NBN: variants seen among roughly 807,000 people sequenced by gnomAD.
The protein encoded by NBN is Nijmegen breakage syndrome 1 (nibrin).
A neutral mutation model predicts 90.8 loss-of-function variants in NBN; 88 were observed. The observed-to-expected ratio is 0.97, with a 90% CI of 0.82 to 1.16. NBN has a LOEUF of 1.16. Ranked by LOEUF, NBN falls within the 50% of genes most tolerant of loss-of-function variation. The probability of loss-of-function intolerance (pLI) is 0.00; values close to 1 mark genes in which losing one functional copy is unlikely to be tolerated. For missense variants in NBN, 894 were observed against 869.6 expected, an observed-to-expected ratio of 1.03 and a Z score of -0.35; for synonymous variants, 328 against 295.1, an observed-to-expected ratio of 1.11 and a Z score of -1.14.
chr8:89,943,202 A>G (rs1425802465), intron 14 of NBN, 51 bp downstream of exon 14: 1 of 1,604,494 alleles, frequency 6.2e-7, no homozygotes, highest in Admixed American at 1.7e-5. Context: ...GGCCACCATA[A>G]TGGACCAAAG....
chr8:89,980,703 T>A (rs766221961), intron 4 of NBN, 31 bp downstream of exon 4: 1 of 1,576,630 alleles, frequency 6.3e-7, no homozygotes, highest in Non-Finnish European at 8.7e-7. Context: ...AATAACTTAT[T>A]TTTAACATAA....
chr8:89,981,044 C>T, intron 3 of NBN, 151 bp from the exon 4 acceptor site: 1 of 727,864 alleles, frequency 1.4e-6, no homozygotes, highest in Non-Finnish European at 2.3e-6. Context: ...TTATCAGTTC[C>T]TCATCATTAA....
At chr8:89,958,963 A>G in intron 8 of NBN, 109 bp from the exon 9 acceptor site, 1 of 1,388,302 alleles carries the variant, frequency 7.2e-7, no homozygotes, top group Non-Finnish European at 1.0e-6. Flanking sequence ...TTAACTAGGG[A>G]ATACTGCACA....
At chr8:89,977,848 C>A (rs1429412962) in intron 5 of NBN, among the ~76,000 whole-genome samples, 1 of 152,206 alleles carries the variant, frequency 6.6e-6, no homozygotes, top group Admixed American at 6.5e-5. Flanking sequence ...TGTTAATATT[C>A]TGGACTATGT....
chr8:89,942,627 C>T, intron 14 of NBN, among the ~76,000 whole-genome samples: 1 of 152,006 alleles, frequency 6.6e-6, no homozygotes, highest in Non-Finnish European at 1.5e-5. Flanking sequence ...AAACAGACTT[C>T]CAGTAATGAA....
chr8:89,958,026 A>C (rs979594548), intron 9 of NBN, among the ~76,000 whole-genome samples: 6 of 152,182 alleles, frequency 3.9e-5, no homozygotes, highest in Non-Finnish European at 8.8e-5. Context: ...GTCCCATCTG[A>C]GGGTGATGGG....
intron 4 of NBN, among the ~76,000 whole-genome samples, chr8:89,980,358 A>C (rs991210175): frequency 1.3e-5 from 2 of 151,696 alleles, no homozygotes; most frequent in African/African-American, 2.4e-5. Context: ...GGAGAAAGAC[A>C]ACTTGATAGA....
At chr8:89,984,382 ATACAGCG>A in intron 1 of NBN, 136 bp downstream of exon 1, 1 of 779,314 alleles carries the variant, frequency 1.3e-6, no homozygotes, top group Non-Finnish European at 2.2e-6. Context: ...TGCGCTTGCC[ATACAGCG>A]TACTCGCCGC....
At chr8:89,977,317 G>C (rs140293688) in intron 5 of NBN, among the ~76,000 whole-genome samples, 4 of 151,814 alleles carry the variant, frequency 2.6e-5, no homozygotes, top group Non-Finnish European at 5.9e-5. Context: ...GAGAACATAC[G>C]GTGTTTGGTT....
chr8:89,949,732 G>A (rs148416713), intron 11 of NBN, among the ~76,000 whole-genome samples: 9 of 152,268 alleles, frequency 5.9e-5, no homozygotes, highest in African/African-American at 2.2e-4. Flanking sequence ...GTGCCTTTCT[G>A]AAATATAGCT....
rs376695206 is a variant in NBN, at chr8:89,970,351, A to G, written c.896+13T>C. The G allele has an allele frequency of 2.5e-6, 4 of 1,591,064 alleles. No individual in the cohort carries two copies. The highest frequency in any genetic ancestry group is 3.4e-6 in the Non-Finnish European group (4 of 1,160,136). On this transcript the variant is annotated intron_variant, in intron 7 of 15. Transcript: ENST00000265433. ...TACTTGCAGTTTTTTACTAATAAAGAATAATTCTATACCTTTGGAGCATAT... is the reference window on the plus strand; with the variant it reads ...TACTTGCAGTTTTTTACTAATAAAGGATAATTCTATACCTTTGGAGCATAT...
intron 5 of NBN, among the ~76,000 whole-genome samples, chr8:89,976,995 T>C (rs532334988): frequency 4.7e-4 from 72 of 152,306 alleles, no homozygotes; most frequent in Middle Eastern, 3.4e-3. Context: ...AAATAGCTTA[T>C]AGCAGCTCAA....
chr8:89,939,445 A>T (rs1389473573), intron 14 of NBN, among the ~76,000 whole-genome samples: 1 of 151,958 alleles, frequency 6.6e-6, no homozygotes, highest in Non-Finnish European at 1.5e-5. Flanking sequence ...TAAGCAAAAA[A>T]AAAATAGAAA....
At chr8:89,951,830 C>T (rs996208008) in intron 11 of NBN, among the ~76,000 whole-genome samples, 3 of 152,168 alleles carry the variant, frequency 2.0e-5, no homozygotes, top group South Asian at 2.1e-4. Context: ...AACATTCATT[C>T]TCTCTTTTTT....
intron 4 of NBN, among the ~76,000 whole-genome samples, chr8:89,979,945 T>C (rs1018210079): frequency 1.3e-5 from 2 of 152,216 alleles, no homozygotes; most frequent in African/African-American, 4.8e-5. Context: ...GGGCCCACAC[T>C]TAAATATTCT....
chr8:89,946,066 CTT>C, intron 13 of NBN, 72 bp downstream of exon 13: 3 of 1,181,528 alleles, frequency 2.5e-6, no homozygotes, highest in Non-Finnish European at 3.7e-6. Context: ...CTGCTTTTAT[CTT>C]TGTTTAGCAT....
intron 5 of NBN, among the ~76,000 whole-genome samples, chr8:89,973,971 A>C (rs1308894186): frequency 2.6e-5 from 4 of 152,186 alleles, no homozygotes; most frequent in African/African-American, 9.7e-5. Flanking sequence ...ACATTCTATA[A>C]AATGATATTA....
At chr8:89,982,447 T>G (rs1320562614) in intron 2 of NBN, 1 of 472,108 alleles carries the variant, frequency 2.1e-6, no homozygotes, top group Non-Finnish European at 3.8e-6. Flanking sequence ...AAATGTTTAG[T>G]AAGCAAATAA....
chr8:89,951,270 C>T (rs540827058), intron 11 of NBN, among the ~76,000 whole-genome samples: 2 of 145,130 alleles, frequency 1.4e-5, no homozygotes, highest in Non-Finnish European at 3.0e-5. Context: ...GGAGATCACG[C>T]CACTGAACTC....
Sources: gnomAD v4.1 joint callset for allele counts (sites outside exome capture counted in the v4.1 genomes callset) on GRCh38, gnomAD v4.1.1 for gene constraint, MANE v1.5 for transcripts, NCBI Gene and HGNC (gene_info 2026-07-23, HGNC 2026-07-21) for gene names.